The following PDE4D variants were observed in gnomAD, a reference collection of about 807,000 sequenced individuals.
PDE4D encodes the protein phosphodiesterase 4D.
A neutral mutation model predicts 87.4 loss-of-function variants in PDE4D; 24 were observed. The observed-to-expected ratio is 0.27, with a 90% CI of 0.20 to 0.39. PDE4D has a LOEUF of 0.39. Ranked by LOEUF, PDE4D falls within the 10% of genes least tolerant of loss-of-function variation. The probability of loss-of-function intolerance (pLI) is 1.00; values close to 1 mark genes in which losing one functional copy is unlikely to be tolerated. For missense variants in PDE4D, 714 were observed against 1,041.0 expected (o/e 0.69, Z 4.32); for synonymous variants, 384 against 383.2 (o/e 1.00, Z -0.02).
At chr5:60,130,368 T>C (rs1467915625) in intron 2 of PDE4D, among the ~76,000 whole-genome samples, 2 of 152,266 alleles carry the variant, frequency 1.3e-5, no homozygotes, top group Admixed American at 6.5e-5. Flanking sequence ...GTTACTGGAA[T>C]TTCTCAGGCA....
chr5:59,377,810 G>C (rs1177621804), intron 1 of PDE4D, among the ~76,000 whole-genome samples: 8 of 152,108 alleles, frequency 5.3e-5, no homozygotes, highest in Non-Finnish European at 1.0e-4. Flanking sequence ...GTATTAAAAA[G>C]TCAACTTATA....
intron 1 of PDE4D, among the ~76,000 whole-genome samples, chr5:60,420,506 G>A (rs1054733077): frequency 3.9e-5 from 6 of 152,170 alleles, no homozygotes; most frequent in African/African-American, 1.4e-4. Flanking sequence ...ACACAATCCA[G>A]AGGCATGATA....
intron 1 of PDE4D, among the ~76,000 whole-genome samples, chr5:60,302,211 T>C (rs1753964882): frequency 6.6e-6 from 1 of 152,184 alleles, no homozygotes; most frequent in African/African-American, 2.4e-5. Context: ...GAGGAGTCCC[T>C]CCTTTTTTTT....
intron 1 of PDE4D, among the ~76,000 whole-genome samples, chr5:59,477,241 T>A (rs1327450581): frequency 6.6e-6 from 1 of 151,620 alleles, no homozygotes; most frequent in Non-Finnish European, 1.5e-5. Flanking sequence ...GATTTTACTC[T>A]TATAAAACAA....
At chr5:60,064,401 G>A (rs999770664) in intron 2 of PDE4D, among the ~76,000 whole-genome samples, 1 of 152,002 alleles carries the variant, frequency 6.6e-6, no homozygotes, top group Non-Finnish European at 1.5e-5. Flanking sequence ...GTATTTGAAG[G>A]TGTCTAGCAT....
At chr5:59,519,200 G>A (rs1811740790) in intron 1 of PDE4D, among the ~76,000 whole-genome samples, 1 of 151,892 alleles carries the variant, frequency 6.6e-6, no homozygotes, top group African/African-American at 2.4e-5. Context: ...ACCATTCTAG[G>A]CACAGAGGAT....
At chr5:59,128,219 TC>T in intron 5 of PDE4D, among the ~76,000 whole-genome samples, 1 of 151,820 alleles carries the variant, frequency 6.6e-6, no homozygotes, top group East Asian at 1.9e-4. Flanking sequence ...AGCGCCCAGG[TC>T]CCCACGTGAA....
intron 6 of PDE4D, among the ~76,000 whole-genome samples, chr5:59,022,738 C>T (rs554544870): frequency 6.6e-6 from 1 of 152,272 alleles, no homozygotes; most frequent in South Asian, 2.1e-4. Flanking sequence ...CCCATCCTGA[C>T]ATGACCTAGA....
At chr5:60,204,696 TG>T (rs1203767512) in intron 1 of PDE4D, among the ~76,000 whole-genome samples, 2 of 150,880 alleles carry the variant, frequency 1.3e-5, no homozygotes, top group Admixed American at 1.3e-4. Context: ...TCCAATAAAC[TG>T]TAAAGACTCA....
chr5:60,511,124 C>T (rs1349722956), intron 1 of PDE4D, among the ~76,000 whole-genome samples: 2 of 152,114 alleles, frequency 1.3e-5, no homozygotes, highest in Non-Finnish European at 2.9e-5. Flanking sequence ...TGCTTGCCAC[C>T]ATGCCGAGAT....
At chr5:59,380,388 C>CAA (rs10574102) in intron 1 of PDE4D, among the ~76,000 whole-genome samples, 12,131 of 108,478 alleles carry the variant, frequency 0.11, 719 homozygotes, top group African/African-American at 0.13. Context: ...CAAAAGCAAT[C>CAA]AAAAAAAAAA....
At chr5:60,074,721 C>T (rs902879171) in intron 2 of PDE4D, among the ~76,000 whole-genome samples, 1 of 152,300 alleles carries the variant, frequency 6.6e-6, no homozygotes, top group Admixed American at 6.5e-5. Context: ...GGATAGTCAG[C>T]TTTTCTTGTT....
intron 1 of PDE4D, among the ~76,000 whole-genome samples, 180 bp from the exon 2 acceptor site, chr5:59,216,148 C>T (rs555072341): frequency 6.6e-6 from 1 of 152,284 alleles, no homozygotes; most frequent in South Asian, 2.1e-4. Context: ...ACATTGACTT[C>T]ACATTCTTGT....
At chr5:59,371,034 C>T (rs746848529) in intron 1 of PDE4D, among the ~76,000 whole-genome samples, 2 of 152,172 alleles carry the variant, frequency 1.3e-5, no homozygotes, top group African/African-American at 2.4e-5. Flanking sequence ...CTTAAAACAT[C>T]ATGAGACTTT....
At chr5:59,345,291 C>A (rs1779433298) in intron 1 of PDE4D, among the ~76,000 whole-genome samples, 1 of 151,980 alleles carries the variant, frequency 6.6e-6, no homozygotes, top group Non-Finnish European at 1.5e-5. Flanking sequence ...GGAAGGAAAA[C>A]CTGATTTAAA....
chr5:60,104,681 C>G (rs1286562745), intron 2 of PDE4D, among the ~76,000 whole-genome samples: 1 of 152,220 alleles, frequency 6.6e-6, no homozygotes, highest in Non-Finnish European at 1.5e-5. Flanking sequence ...GAGGAACCAT[C>G]AGACAGCATC....
At chr5:60,279,332 A>T (rs1295336096) in intron 1 of PDE4D, among the ~76,000 whole-genome samples, 1 of 152,202 alleles carries the variant, frequency 6.6e-6, no homozygotes, top group Non-Finnish European at 1.5e-5. Flanking sequence ...GGAAGTCCAG[A>T]ATTACCATGT....
At chr5:59,712,657 T>G (rs298099) in intron 1 of PDE4D, among the ~76,000 whole-genome samples, 112,928 of 150,228 alleles carry the variant, frequency 0.75, 42,564 homozygotes, top group East Asian at 0.83. Context: ...TATAATAATA[T>G]ATCTATAATG....
intron 2 of PDE4D, among the ~76,000 whole-genome samples, chr5:60,124,641 T>C (rs193044271): frequency 1.8e-3 from 277 of 152,294 alleles, no homozygotes; most frequent in African/African-American, 5.9e-3. Context: ...CCCATTTACA[T>C]AGCAACCTGC....
Sources: allele counts gnomAD v4.1 joint callset (sites outside exome capture counted in the v4.1 genomes callset), GRCh38; gene constraint gnomAD v4.1.1; transcripts MANE v1.5; gene names NCBI Gene and HGNC (gene_info 2026-07-23, HGNC 2026-07-21).